OTOA: variants seen among roughly 807,000 people sequenced by gnomAD.
OTOA encodes otoancorin, also known as cancer/testis antigen 108.
OTOA carries 70 observed loss-of-function variants against 110.8 expected under a neutral mutation model. The ratio of observed to expected loss-of-function variants is 0.63; its 90% CI spans 0.52 to 0.77. OTOA has a LOEUF of 0.77. Among genes scored for constraint, OTOA ranks in the 30% least tolerant of loss-of-function variants. OTOA has a pLI of 0.00. For synonymous variants in OTOA, 373 were observed against 431.5 expected (o/e 0.86, Z 1.68); for missense variants, 917 against 1,075.8 (o/e 0.85, Z 2.06).
At chr16:21,720,980 G>T (rs1898714784) in intron 17 of OTOA, among the ~76,000 whole-genome samples, 1 of 150,828 alleles carries the variant, frequency 6.6e-6, no homozygotes, top group African/African-American at 2.4e-5. Flanking sequence ...GAATGCAGTG[G>T]TTCAATCTCA....
intron 22 of OTOA, among the ~76,000 whole-genome samples, chr16:21,737,893 T>G (rs1375464439): frequency 6.6e-6 from 1 of 152,310 alleles, no homozygotes; most frequent in African/African-American, 2.4e-5. Flanking sequence ...GAGACAAAGT[T>G]AATCACCCCC....
At chr16:21,674,180 G>A (rs1334673627) in intron 1 of OTOA, among the ~76,000 whole-genome samples, 1 of 152,144 alleles carries the variant, frequency 6.6e-6, no homozygotes, top group Non-Finnish European at 1.5e-5. Context: ...TGTACGTTAA[G>A]TACACATTTA....
At chr16:21,673,934 A>G (rs1219901557) in intron 1 of OTOA, among the ~76,000 whole-genome samples, 2 of 151,980 alleles carry the variant, frequency 1.3e-5, no homozygotes, top group African/African-American at 2.4e-5. Flanking sequence ...AGTAGCTGGG[A>G]CTACAGGCGC....
chr16:21,709,935 T>C lies in OTOA; in HGVS notation c.1152T>C (p.Asn384=), dbSNP rs750464771. 1.2e-6 allele frequency: 2 copies of C among 1,614,062 alleles called. No individual in the cohort carries two copies. Among genetic ancestry groups the C allele is most frequent in the Non-Finnish European group, 1.7e-6 (2 of 1,179,950 alleles). ...LDIAMENQTL[N]ETLGSLSDAV... is the part of the protein sequence containing the mutation. The stretch of plus-strand genomic sequence containing the variant: ...TTGCCATGGAGAACCAGACCCTCAA[T>C]GAGACCCTGGGTTCTTTGTCGGATG... The change falls in exon 13 of 29, where the codon AAT becomes AAC. Residue 384 remains asparagine, a synonymous_variant. Transcript: ENST00000646100.
At chr16:21,684,578 G>T (rs1966964974) in intron 6 of OTOA, 1 of 1,530,184 alleles carries the variant, frequency 6.5e-7, no homozygotes, top group Admixed American at 2.0e-5. Flanking sequence ...GGGGAATCGG[G>T]CTGGCTGGGC....
chr16:21,684,461 T>G, intron 6 of OTOA: 3 of 1,544,484 alleles, frequency 1.9e-6, no homozygotes, highest in Non-Finnish European at 2.6e-6. Flanking sequence ...GCTGGTAGCT[T>G]GGGTTTGGGC....
At position 21,697,657 on chromosome 16, in the gene OTOA, G is replaced by A. The variant is rs568608001; in HGVS notation, c.740-118G>A. The A allele has an allele frequency of 4.0e-4, 379 of 944,092 alleles. 5 individuals carry two copies. The South Asian group carries it at 4.2e-3, about 10-fold the overall frequency. The allele number at this position is 944,092 out of a possible 1,614,324, so 58.5% of individuals were successfully genotyped here. Reference sequence around the variant, plus strand: ...AAAAAACCCCGAAAAACAAAATAACGAATTAATGAATGCAAGAAGTAGGTC... The same window carrying A: ...AAAAAACCCCGAAAAACAAAATAACAAATTAATGAATGCAAGAAGTAGGTC... On this transcript the variant is annotated intron_variant, in intron 9 of 28. Transcript: ENST00000646100.
At chr16:21,714,351 T>G (rs1000684763) in intron 13 of OTOA, among the ~76,000 whole-genome samples, 1 of 123,346 alleles carries the variant, frequency 8.1e-6, no homozygotes, top group African/African-American at 2.6e-5. Flanking sequence ...CTTTCTTTCT[T>G]TCCTTCTCTC....
At chr16:21,759,248 C>T (rs891739536) in intron 28 of OTOA, among the ~76,000 whole-genome samples, 17 of 151,964 alleles carry the variant, frequency 1.1e-4, no homozygotes, top group African/African-American at 3.9e-4. Flanking sequence ...TGTATTTGTC[C>T]AGAGATATTC....
At chr16:21,693,525 A>G (rs1375822714) in intron 9 of OTOA, among the ~76,000 whole-genome samples, 1 of 152,128 alleles carries the variant, frequency 6.6e-6, no homozygotes, top group East Asian at 1.9e-4. Flanking sequence ...TAAACATGTA[A>G]GTAAATAAAG....
chr16:21,702,130 A>G (rs1158884771), intron 11 of OTOA, among the ~76,000 whole-genome samples: 1 of 151,680 alleles, frequency 6.6e-6, no homozygotes, highest in African/African-American at 2.4e-5. Flanking sequence ...TTGTATTTTT[A>G]GTGGAGACTG....
chr16:21,664,769 C>T (rs1966830751), intron 1 of OTOA, among the ~76,000 whole-genome samples: 1 of 151,710 alleles, frequency 6.6e-6, no homozygotes. Flanking sequence ...GCCAGGAGTT[C>T]GAGACCAGCC....
At chr16:21,730,195 G>A (rs1899064299) in intron 20 of OTOA, 1 of 154,022 alleles carries the variant, frequency 6.5e-6, no homozygotes, top group African/African-American at 2.4e-5. Context: ...AGGCATTTAT[G>A]ATCTATACAA....
chr16:21,681,097 T>C (rs1189697604), intron 5 of OTOA, among the ~76,000 whole-genome samples: 1 of 152,188 alleles, frequency 6.6e-6, no homozygotes, highest in Non-Finnish European at 1.5e-5. Context: ...TTCCAGCCTC[T>C]CATGGTGTAC....
rs376738369 is a variant in OTOA at position 21,711,509 on chromosome 16, G to T, written c.1320+1406G>T. On this transcript the variant is annotated intron_variant, in intron 13 of 28. Transcript: ENST00000646100. The stretch of plus-strand genomic sequence containing the variant: ...TTTGATACGGAGTCTTGCCCTTGTC[G>T]CCCATGCTGGAATGCAATGGCACAA... 3.9e-5 allele frequency among the ~76,000 whole-genome samples: 6 copies of T among 152,042 alleles called. No individual in the cohort carries two copies. The East Asian group carries it at 7.7e-4, about 20-fold the overall frequency.
At chr16:21,670,154 G>A (rs1332025866) in intron 1 of OTOA, among the ~76,000 whole-genome samples, 1 of 150,836 alleles carries the variant, frequency 6.6e-6, no homozygotes, top group Non-Finnish European at 1.5e-5. Context: ...ACAAAAACAA[G>A]TCAGAGCATC....
intron 8 of OTOA, among the ~76,000 whole-genome samples, chr16:21,689,371 CTAT>C (rs1392952641): frequency 2.0e-4 from 30 of 152,136 alleles, no homozygotes; most frequent in African/African-American, 7.2e-4. Context: ...GCTCTGCAGG[CTAT>C]TATACTATTC....
chr16:21,683,518 C>A (rs74415782), intron 6 of OTOA, among the ~76,000 whole-genome samples: 2 of 151,906 alleles, frequency 1.3e-5, no homozygotes, highest in Non-Finnish European at 2.9e-5. Context: ...CATAGCGAGA[C>A]CTTGTCTCTA....
chr16:21,665,962 C>T (rs968153913), intron 1 of OTOA, among the ~76,000 whole-genome samples: 41 of 152,150 alleles, frequency 2.7e-4, no homozygotes, highest in African/African-American at 9.2e-4. Flanking sequence ...TCCTGAGTAG[C>T]TAGGGCTACA....
Sources: gnomAD v4.1 joint callset for allele counts (sites outside exome capture counted in the v4.1 genomes callset) on GRCh38, gnomAD v4.1.1 for gene constraint, MANE v1.5 for transcripts, NCBI Gene and HGNC (gene_info 2026-07-23, HGNC 2026-07-21) for gene names.